The following SHISA9 variants were observed in gnomAD, a reference collection of about 807,000 sequenced individuals.
SHISA9 encodes shisa family member 9, also known as protein shisa-9.
SHISA9 carries 13 observed loss-of-function variants against 38.0 expected under a neutral mutation model. The observed-to-expected ratio is 0.34, with a 90% CI of 0.22 to 0.54. SHISA9 has a LOEUF of 0.54. Ranked by LOEUF, SHISA9 falls within the 20% of genes least tolerant of loss-of-function variation. The probability of loss-of-function intolerance (pLI) is 0.91; values close to 1 mark genes in which losing one functional copy is unlikely to be tolerated. For synonymous variants in SHISA9, 275 were observed against 242.0 expected (o/e 1.14, Z -1.27); for missense variants, 538 against 575.8 (o/e 0.93, Z 0.67).
At chr16:13,545,810 CTA>C in the SHISA9 span, among the ~76,000 whole-genome samples, 1 of 152,194 alleles carries the variant, frequency 6.6e-6, no homozygotes, top group Admixed American at 6.5e-5. Flanking sequence ...TCCGCTTCTA[CTA>C]TCACACGGTG....
chr16:13,525,122 C>T, the SHISA9 span, among the ~76,000 whole-genome samples: 14 of 152,138 alleles, frequency 9.2e-5, no homozygotes, highest in Non-Finnish European at 1.6e-4. Context: ...GTTTCCAAGA[C>T]GTTGATTTTA....
intron 1 of SHISA9, among the ~76,000 whole-genome samples, chr16:12,912,435 A>G (rs2071197917): frequency 2.0e-5 from 3 of 152,132 alleles, no homozygotes; most frequent in Admixed American, 2.0e-4. Context: ...AATAGTTCGG[A>G]GTTTTGGGGC....
the SHISA9 span, among the ~76,000 whole-genome samples, chr16:13,290,851 C>T: frequency 9.2e-5 from 14 of 152,256 alleles, no homozygotes; most frequent in African/African-American, 2.9e-4. Context: ...AGGATCAGAG[C>T]GTTCATTTTA....
chr16:13,002,602 G>T (rs981235989), intron 2 of SHISA9, among the ~76,000 whole-genome samples: 2 of 145,434 alleles, frequency 1.4e-5, no homozygotes, highest in African/African-American at 5.1e-5. Flanking sequence ...GTGTGATCTC[G>T]GATCACTGCA....
chr16:13,261,571 A>T, the SHISA9 span, among the ~76,000 whole-genome samples: 3 of 152,194 alleles, frequency 2.0e-5, no homozygotes, highest in Non-Finnish European at 4.4e-5. Flanking sequence ...GAAGTTGACT[A>T]GGAATAAAAT....
chr16:13,433,733 C>T, the SHISA9 span, among the ~76,000 whole-genome samples: 1 of 152,188 alleles, frequency 6.6e-6, no homozygotes, highest in Non-Finnish European at 1.5e-5. Flanking sequence ...TGGATAGATT[C>T]ATAGAAGAGG....
At chr16:13,318,249 C>T in the SHISA9 span, among the ~76,000 whole-genome samples, 1 of 152,186 alleles carries the variant, frequency 6.6e-6, no homozygotes, top group African/African-American at 2.4e-5. Context: ...ATGTTTAGAA[C>T]ATCCCTGGTC....
intron 4 of SHISA9, among the ~76,000 whole-genome samples, chr16:13,215,278 CT>C (rs766523740): frequency 1.3e-5 from 2 of 152,174 alleles, no homozygotes; most frequent in African/African-American, 4.8e-5. Context: ...TTCACTAAGC[CT>C]TGGCTCAGAA....
the SHISA9 span, among the ~76,000 whole-genome samples, chr16:13,298,786 G>A: frequency 1.1e-4 from 17 of 152,206 alleles, no homozygotes; most frequent in Non-Finnish European, 2.2e-4. Context: ...TAAGGAAGGA[G>A]GGCTTGAAAC....
the SHISA9 span, among the ~76,000 whole-genome samples, chr16:13,530,171 A>C: frequency 0.86 from 130,666 of 152,108 alleles, 56,246 homozygotes; most frequent in East Asian, 0.99. Flanking sequence ...CCTGGTGGTG[A>C]ACACATGTAG....
At chr16:13,354,775 A>G in the SHISA9 span, among the ~76,000 whole-genome samples, 1 of 152,158 alleles carries the variant, frequency 6.6e-6, no homozygotes, top group African/African-American at 2.4e-5. Flanking sequence ...GCCTAGGAAG[A>G]AAAGGAGTTG....
rs369223651 is a variant in SHISA9 at position 13,122,812 on chromosome 16, C to T, written c.692-80582C>T. On this transcript the variant is annotated intron_variant, in intron 2 of 4. Coordinates refer to ENST00000558583, the MANE Select transcript of SHISA9 (RefSeq NM_001145204.3). ...TGGTAATCCTAGCACTTTGGGAGGCCGAGGCAGGAGGATCGCCTGAGGTCA... is the reference window on the plus strand; with the variant it reads ...TGGTAATCCTAGCACTTTGGGAGGCTGAGGCAGGAGGATCGCCTGAGGTCA... 9.9e-5 allele frequency among the ~76,000 whole-genome samples: 15 copies of T among 152,206 alleles called. No individual in the cohort carries two copies. In the East Asian group the frequency reaches 2.3e-3, roughly 24 times the overall value.
the SHISA9 span, among the ~76,000 whole-genome samples, chr16:13,464,833 C>A: frequency 6.6e-6 from 1 of 151,884 alleles, no homozygotes; most frequent in African/African-American, 2.4e-5. Context: ...ACCCCCACCC[C>A]CCACCTTTTA....
chr16:13,166,424 G>A (rs918956930), intron 2 of SHISA9, among the ~76,000 whole-genome samples: 5 of 152,154 alleles, frequency 3.3e-5, no homozygotes, highest in Admixed American at 1.3e-4. Flanking sequence ...AGGATGAAGC[G>A]TGTGCTTCTT....
chr16:13,255,769 G>C, the SHISA9 span, among the ~76,000 whole-genome samples: 1 of 152,148 alleles, frequency 6.6e-6, no homozygotes, highest in African/African-American at 2.4e-5. Context: ...GGTAGGTCTA[G>C]GGAGAAGTGA....
the SHISA9 span, among the ~76,000 whole-genome samples, chr16:13,426,294 A>G: frequency 2.6e-5 from 4 of 152,060 alleles, no homozygotes; most frequent in African/African-American, 9.7e-5. Context: ...TCCTTTTTCC[A>G]TTTTATGCAC....
chr16:13,501,066 C>G, the SHISA9 span, among the ~76,000 whole-genome samples: 9 of 152,172 alleles, frequency 5.9e-5, no homozygotes, highest in African/African-American at 2.2e-4. Context: ...TCAACAAGGA[C>G]AGGATAACCT....
chr16:13,436,752 C>T, the SHISA9 span, among the ~76,000 whole-genome samples: 1 of 150,438 alleles, frequency 6.6e-6, no homozygotes, highest in Non-Finnish European at 1.5e-5. Context: ...ACTATAGTGA[C>T]ACACAGTCAG....
the SHISA9 span, among the ~76,000 whole-genome samples, chr16:13,369,063 T>A: frequency 1.3e-5 from 2 of 152,180 alleles, no homozygotes; most frequent in African/African-American, 2.4e-5. Context: ...ATTAGACAAC[T>A]GTTAAAATGA....
Sources: allele counts gnomAD v4.1 joint callset (sites outside exome capture counted in the v4.1 genomes callset), GRCh38; gene constraint gnomAD v4.1.1; transcripts MANE v1.5; gene names NCBI Gene and HGNC (gene_info 2026-07-23, HGNC 2026-07-21).